The following ACTN4 variants were observed in gnomAD, a reference collection of about 807,000 sequenced individuals.
The protein encoded by ACTN4 is actinin alpha 4, also known as alpha-actinin-4.
A neutral mutation model predicts 114.2 loss-of-function variants in ACTN4; 18 were observed. The ratio of observed to expected loss-of-function variants is 0.16; its 90% confidence interval spans 0.11 to 0.23. The LOEUF (loss-of-function observed/expected upper bound fraction) is 0.23. Ranked by LOEUF, ACTN4 falls within the 10% of genes least tolerant of loss-of-function variation. ACTN4 has a pLI of 1.00. For synonymous variants in ACTN4, 515 were observed against 506.3 expected, an observed-to-expected ratio of 1.02 and a Z score of -0.23; for missense variants, 722 against 1,262.9, an observed-to-expected ratio of 0.57 and a Z score of 6.49.
intron 1 of ACTN4, among the ~76,000 whole-genome samples, chr19:38,694,548 C>T (rs376021657): frequency 4.6e-5 from 7 of 152,108 alleles, no homozygotes; most frequent in African/African-American, 1.7e-4. Context: ...GTGCGAGCCA[C>T]TGCGCCCGGC....
chr19:38,670,585 A>T (rs750214188), intron 1 of ACTN4, among the ~76,000 whole-genome samples: 6 of 152,064 alleles, frequency 3.9e-5, no homozygotes, highest in Non-Finnish European at 8.8e-5. Flanking sequence ...GGGACCTGGG[A>T]CTTCACGAAG....
At chr19:38,659,841 C>A (rs985800904) in intron 1 of ACTN4, among the ~76,000 whole-genome samples, 21 of 151,930 alleles carry the variant, frequency 1.4e-4, no homozygotes, top group Non-Finnish European at 2.1e-4. Flanking sequence ...GAGTGTGCCC[C>A]CTTATTTGGG....
intron 5 of ACTN4, 61 bp downstream of exon 5, chr19:38,706,192 C>T: frequency 1.3e-6 from 2 of 1,537,986 alleles, no homozygotes; most frequent in African/African-American, 1.4e-5. Context: ...CTTCCTCCCA[C>T]CTGCCCTGTT....
At chr19:38,688,653 G>A (rs1299405212) in intron 1 of ACTN4, among the ~76,000 whole-genome samples, 1 of 151,968 alleles carries the variant, frequency 6.6e-6, no homozygotes, top group African/African-American at 2.4e-5. Context: ...CTTGAGCCCA[G>A]GAGTTCAAGG....
intron 1 of ACTN4, among the ~76,000 whole-genome samples, chr19:38,665,162 A>G (rs1248148751): frequency 6.6e-6 from 1 of 151,826 alleles, no homozygotes; most frequent in Non-Finnish European, 1.5e-5. Flanking sequence ...GACATCCCCC[A>G]CTCCCCACTG....
chr19:38,648,987 A>G (rs1266807911), intron 1 of ACTN4, among the ~76,000 whole-genome samples: 1 of 151,476 alleles, frequency 6.6e-6, no homozygotes, highest in African/African-American at 2.4e-5. Flanking sequence ...TGAGAAAGGA[A>G]TTTGAGGAGG....
intron 7 of ACTN4, 54 bp downstream of exon 7, chr19:38,709,530 TC>T (rs1413379650): frequency 7.8e-6 from 12 of 1,532,058 alleles, no homozygotes; most frequent in African/African-American, 1.4e-5. Context: ...GCCTTTTCTG[TC>T]CAGGGCTGGC....
chr19:38,692,694 C>T (rs1323501544), intron 1 of ACTN4, among the ~76,000 whole-genome samples: 1 of 152,218 alleles, frequency 6.6e-6, no homozygotes, highest in African/African-American at 2.4e-5. Flanking sequence ...TGAGGTCTGG[C>T]AATAGCCTGC....
At position 38,730,555 on chromosome 19, in the gene ACTN4, A is replaced by T; in HGVS notation, c.*1123A>T. On this transcript the variant is annotated 3_prime_UTR_variant, in exon 21 of 21. Transcript: ENST00000252699. Reference sequence around the variant, plus strand: ...GATTCCTGCAGCATCATCTTTTTTTATTTCTCCTGTGTCTGTCCTCCACCT... The same window carrying T: ...GATTCCTGCAGCATCATCTTTTTTTTTTTCTCCTGTGTCTGTCCTCCACCT... The T allele has an allele frequency of 2.1e-6, 1 of 476,166 alleles. No homozygotes were observed. Among genetic ancestry groups the T allele is most frequent in the Non-Finnish European group, 3.8e-6 (1 of 266,514 alleles). The allele number at this position is 476,166 out of a possible 1,614,324, so 29.5% of individuals were successfully genotyped here. A position where few individuals can be genotyped will look rare whatever the true frequency, so the allele number is the denominator to read the frequency against.
At chr19:38,650,122 A>G (rs886378967) in intron 1 of ACTN4, among the ~76,000 whole-genome samples, 8 of 152,060 alleles carry the variant, frequency 5.3e-5, no homozygotes, top group African/African-American at 1.7e-4. Context: ...GGTTTTGAGA[A>G]TGTCTAGGCT....
At position 38,723,995 on chromosome 19, in the gene ACTN4, C is replaced by T. The variant is rs776334675; in HGVS notation, c.1610C>T (p.Ala537Val). Residue 537 changes from alanine (A) to valine (V), a missense_variant, in exon 14 of 21, where the codon GCG becomes GTG. Around this residue, in one of 3 missense-constraint regions of ACTN4, gnomAD observed 523 missense variants for 875.9 expected, o/e 0.60. Coordinates refer to ENST00000252699, the MANE Select transcript of ACTN4 (RefSeq NM_004924.6). ...DQLHLEYAKR[A>V]APFNNWMESA... ...CTGCACCTGGAATACGCCAAGCGCGCGGCCCCCTTCAACAACTGGATGGAG... is the reference window on the plus strand; with the variant it reads ...CTGCACCTGGAATACGCCAAGCGCGTGGCCCCCTTCAACAACTGGATGGAG... 1.9e-6 allele frequency: 3 copies of T among 1,613,818 alleles called. No individual in the cohort carries two copies. Among genetic ancestry groups the T allele is most frequent in the Admixed American group, 3.3e-5 (2 of 60,020 alleles).
chr19:38,683,199 G>A (rs925432096), intron 1 of ACTN4, among the ~76,000 whole-genome samples: 1 of 152,142 alleles, frequency 6.6e-6, no homozygotes, highest in Non-Finnish European at 1.5e-5. Flanking sequence ...GAGTGGCTGG[G>A]ATGACTCTGG....
At chr19:38,685,103 G>A (rs964873985) in intron 1 of ACTN4, among the ~76,000 whole-genome samples, 1 of 152,106 alleles carries the variant, frequency 6.6e-6, no homozygotes, top group Non-Finnish European at 1.5e-5. Context: ...ATGCCACCAA[G>A]CCCAGCTAAT....
chr19:38,666,924 C>T (rs1381809543), intron 1 of ACTN4, among the ~76,000 whole-genome samples: 1 of 152,092 alleles, frequency 6.6e-6, no homozygotes, highest in Non-Finnish European at 1.5e-5. Context: ...AGTAATTAAC[C>T]TGAATGCTTG....
chr19:38,720,236 G>A (rs1394460761), intron 11 of ACTN4, among the ~76,000 whole-genome samples: 1 of 152,322 alleles, frequency 6.6e-6, no homozygotes, highest in South Asian at 2.1e-4. Flanking sequence ...TGAGGGACTT[G>A]ATTTCCTGGG....
At position 38,727,777 on chromosome 19, in the gene ACTN4, G is replaced by A. The variant is rs975416381; in HGVS notation, c.2338-169G>A. ...GGAAAGGATGAAAGGGGCCCGTGCC[G>A]CCCCCGACCCCACGTGTCCCTGGCC... On this transcript the variant is annotated intron_variant, in intron 18 of 20. Coordinates refer to ENST00000252699, the MANE Select transcript of ACTN4 (RefSeq NM_004924.6). The surrounding 1 kb of genome is among the most constrained non-coding windows in gnomAD (Gnocchi z 5.4). 5.1e-5 allele frequency: 34 copies of A among 663,518 alleles called. No individual in the cohort carries two copies. The highest frequency in any genetic ancestry group is 7.4e-5 in the Non-Finnish European group (28 of 379,018). The allele number at this position is 663,518 out of a possible 1,614,324, so 41.1% of individuals were successfully genotyped here.
chr19:38,729,270 C>G lies in ACTN4; in HGVS notation c.2578-4C>G, dbSNP rs1284657876. ...GGCTCAGAGTCCCATCCTGCCTGCC[C>G]CAGAACTTCATCACAGCTGAGGAGC... is the stretch of plus-strand genomic sequence containing the variant. On this transcript the variant is annotated splice_polypyrimidine_tract_variant and splice_region_variant and intron_variant, in intron 20 of 20. Transcript: ENST00000252699. 2 of 1,612,730 alleles carry G rather than the reference C, an allele frequency of 1.2e-6. No individual in the cohort carries two copies. The highest frequency in any genetic ancestry group is 1.7e-6 in the Non-Finnish European group (2 of 1,179,960).
rs1035849686 is a variant in ACTN4, at chr19:38,724,807, C to A, written c.2010+242C>A. Among the ~76,000 whole-genome samples the A allele has an allele frequency of 2.6e-5, 4 of 152,222 alleles. No individual in the cohort carries two copies. The highest frequency in any genetic ancestry group is 2.6e-4 in the Admixed American group (4 of 15,288). ...TCGCTTGAGCCCAGGAGTTCGAGACCAGCCTGGGCAACATAGTGAGACCCC... is the reference window on the plus strand; with the variant it reads ...TCGCTTGAGCCCAGGAGTTCGAGACAAGCCTGGGCAACATAGTGAGACCCC... On this transcript the variant is annotated intron_variant, in intron 16 of 20. Transcript: ENST00000252699. The surrounding 1 kb of genome is among the most constrained non-coding windows in gnomAD (Gnocchi z 7.0).
Position 38,680,212 on chromosome 19 carries a change from GTTTTTTTTTTTTTTTTTT to G in ACTN4, c.163-20372_163-20355del, listed in dbSNP as rs75920199. Among the ~76,000 whole-genome samples the G allele has an allele frequency of 2.8e-3, 345 of 124,360 alleles. 4 individuals are homozygous for G. The highest frequency in any genetic ancestry group is 0.011 in the African/African-American group (325 of 29,668). The allele number at this position is 124,360 out of a possible 152,430, so 81.6% of individuals were successfully genotyped here. On this transcript the variant is annotated intron_variant, in intron 1 of 20. Transcript: ENST00000252699. Reference sequence around the variant, plus strand: ...CCTGTCCATAGCTGGAGCTCAGGAAGTTTTTTTTTTTTTTTTTTTTTTTTTTTTTTTTTAAAGTCAGAG... The same window carrying G: ...CCTGTCCATAGCTGGAGCTCAGGAAGTTTTTTTTTTTTTTTAAAGTCAGAG...
Sources: gnomAD v4.1 joint callset for allele counts (sites outside exome capture counted in the v4.1 genomes callset) on GRCh38, gnomAD v4.1.1 for gene constraint, gnomAD v4.1.1 regional missense constraint, Gnocchi (gnomAD v3.1) non-coding constraint, MANE v1.5 for transcripts, NCBI Gene and HGNC (gene_info 2026-07-23, HGNC 2026-07-21) for gene names.